The following NRG3 variants were observed in gnomAD, a reference collection of about 807,000 sequenced individuals.
NRG3 encodes pro-neuregulin-3, membrane-bound isoform.
A neutral mutation model predicts 66.9 loss-of-function variants in NRG3; 31 were observed. The ratio of observed to expected loss-of-function variants is 0.46; its 90% CI spans 0.35 to 0.63. The LOEUF (loss-of-function observed/expected upper bound fraction) is 0.63, where lower values mean the gene tolerates loss of function less well. NRG3 is among the 20% of genes least tolerant of loss of function. The pLI, the probability that NRG3 is intolerant of heterozygous loss-of-function variation, is 0.00. For missense variants in NRG3, 910 were observed against 878.9 expected (o/e 1.04, Z -0.45); for synonymous variants, 393 against 359.4 (o/e 1.09, Z -1.06).
intron 2 of NRG3, among the ~76,000 whole-genome samples, chr10:82,728,467 C>T (rs1018759518): frequency 6.6e-5 from 10 of 152,180 alleles, no homozygotes; most frequent in African/African-American, 1.9e-4. Flanking sequence ...CTCTTTTTAC[C>T]TGCTACCATC....
chr10:82,136,761 A>G (rs960427869), intron 1 of NRG3, among the ~76,000 whole-genome samples: 2 of 151,924 alleles, frequency 1.3e-5, no homozygotes, highest in Non-Finnish European at 1.5e-5. Context: ...GGGATGGATG[A>G]CTCCCCTCTG....
chr10:82,661,479 C>T (rs2052356357), intron 2 of NRG3, among the ~76,000 whole-genome samples: 1 of 151,788 alleles, frequency 6.6e-6, no homozygotes, highest in Non-Finnish European at 1.5e-5. Context: ...TACAGAGAGG[C>T]ATATGTTTTA....
chr10:82,426,266 G>C (rs372240694), intron 2 of NRG3, among the ~76,000 whole-genome samples: 1 of 152,070 alleles, frequency 6.6e-6, no homozygotes, highest in African/African-American at 2.4e-5. Context: ...GAGGGCTCCC[G>C]CTAAAGCTGG....
Position 82,263,395 on chromosome 10 carries a change from A to G in NRG3, c.824-95344A>G, listed in dbSNP as rs377738938. 7.2e-5 allele frequency among the ~76,000 whole-genome samples: 11 copies of G among 152,310 alleles called. No individual in the cohort carries two copies. In the East Asian group the frequency reaches 1.7e-3, roughly 24 times the overall value. ...CATTTTAAAACCTTTTAAGTTTTCT[A>G]TTGAACATTTTTATCCTCCAAATCA... On this transcript the variant is annotated intron_variant, in intron 1 of 8. Transcript: ENST00000372141.
chr10:82,683,115 C>T (rs375929415), intron 2 of NRG3, among the ~76,000 whole-genome samples: 5 of 151,878 alleles, frequency 3.3e-5, no homozygotes, highest in Non-Finnish European at 5.9e-5. Context: ...CCCACCACCA[C>T]GCCCGGCTAA....
At chr10:82,734,345 T>C (rs181669551) in intron 2 of NRG3, among the ~76,000 whole-genome samples, 9 of 151,752 alleles carry the variant, frequency 5.9e-5, no homozygotes, top group Admixed American at 4.6e-4. Context: ...GAAATAGTGA[T>C]GTCTACCTTT....
At chr10:82,821,923 G>A (rs1012959711) in intron 3 of NRG3, among the ~76,000 whole-genome samples, 1 of 152,092 alleles carries the variant, frequency 6.6e-6, no homozygotes, top group Admixed American at 6.5e-5. Context: ...AGGTTGAATG[G>A]TACATTTCTC....
chr10:82,061,529 C>G (rs900344495), intron 1 of NRG3, among the ~76,000 whole-genome samples: 1 of 152,172 alleles, frequency 6.6e-6, no homozygotes, highest in African/African-American at 2.4e-5. Flanking sequence ...TCCTGGTCCC[C>G]TCTACCTCCA....
At chr10:82,610,986 C>T (rs974962898) in intron 2 of NRG3, among the ~76,000 whole-genome samples, 2 of 151,692 alleles carry the variant, frequency 1.3e-5, no homozygotes, top group African/African-American at 4.8e-5. Context: ...TTGGATAAGG[C>T]CAAAATATAA....
At chr10:82,910,427 G>A (rs550224978) in intron 4 of NRG3, among the ~76,000 whole-genome samples, 59 of 152,312 alleles carry the variant, frequency 3.9e-4, no homozygotes, top group African/African-American at 6.3e-4. Flanking sequence ...CAGCAGGCAC[G>A]CTTAAGTGTA....
At chr10:82,330,432 T>A (rs1394650388) in intron 1 of NRG3, among the ~76,000 whole-genome samples, 1 of 152,210 alleles carries the variant, frequency 6.6e-6, no homozygotes, top group Non-Finnish European at 1.5e-5. Context: ...TAACAGATGC[T>A]TCATAAACAT....
chr10:82,403,380 G>A (rs1589999835), intron 2 of NRG3, among the ~76,000 whole-genome samples: 2 of 152,074 alleles, frequency 1.3e-5, no homozygotes, highest in Admixed American at 1.3e-4. Flanking sequence ...AACATTTTGT[G>A]TCATTTAATT....
intron 1 of NRG3, among the ~76,000 whole-genome samples, chr10:81,932,546 A>G (rs917860348): frequency 2.0e-5 from 3 of 152,200 alleles, no homozygotes; most frequent in African/African-American, 4.8e-5. Context: ...TTGGAACAAT[A>G]TATTTTATCA....
intron 4 of NRG3, among the ~76,000 whole-genome samples, chr10:82,933,905 A>G (rs1847821569): frequency 6.6e-6 from 1 of 152,226 alleles, no homozygotes; most frequent in African/African-American, 2.4e-5. Context: ...AGGCCAACTG[A>G]TCATGAAATG....
intron 1 of NRG3, among the ~76,000 whole-genome samples, chr10:82,146,732 T>G (rs12572753): frequency 0.11 from 15,999 of 152,090 alleles, 984 homozygotes; most frequent in South Asian, 0.15. Flanking sequence ...AGTAACCCAT[T>G]ACCTGTCTGG....
chr10:82,058,555 A>G (rs550102424), intron 1 of NRG3, among the ~76,000 whole-genome samples: 1 of 150,516 alleles, frequency 6.6e-6, no homozygotes, highest in Non-Finnish European at 1.5e-5. Context: ...TATTCTATCT[A>G]TATAATATAT....
At chr10:82,662,809 G>C (rs936289179) in intron 2 of NRG3, among the ~76,000 whole-genome samples, 15 of 152,094 alleles carry the variant, frequency 9.9e-5, no homozygotes, top group African/African-American at 3.6e-4. Flanking sequence ...GTCAACAGCA[G>C]GTATAAAGGC....
chr10:82,732,605 T>C (rs1474477822), intron 2 of NRG3, among the ~76,000 whole-genome samples: 1 of 152,230 alleles, frequency 6.6e-6, no homozygotes, highest in East Asian at 1.9e-4. Context: ...GCTGGGATTA[T>C]GCTTTCAAAT....
At chr10:82,483,489 A>T (rs1051924841) in intron 2 of NRG3, among the ~76,000 whole-genome samples, 1 of 152,240 alleles carries the variant, frequency 6.6e-6, no homozygotes, top group African/African-American at 2.4e-5. Flanking sequence ...GATGTTGGTG[A>T]TGATGACATG....
Sources: gnomAD v4.1 joint callset for allele counts (sites outside exome capture counted in the v4.1 genomes callset) on GRCh38, gnomAD v4.1.1 for gene constraint, MANE v1.5 for transcripts, NCBI Gene and HGNC (gene_info 2026-07-23, HGNC 2026-07-21) for gene names.